Variants in NRXN3 observed in about 807,000 individuals in gnomAD.
NRXN3 encodes the protein neurexin 3.
A neutral mutation model predicts 137.6 loss-of-function variants in NRXN3; 32 were observed. The ratio of observed to expected loss-of-function variants is 0.23; its 90% CI spans 0.18 to 0.31. The LOEUF is 0.31. Ranked by LOEUF, NRXN3 falls within the 10% of genes least tolerant of loss-of-function variation. The pLI is 1.00. For synonymous variants in NRXN3, 798 were observed against 784.5 expected (o/e 1.02, Z -0.29); for missense variants, 1,574 against 2,062.5 (o/e 0.76, Z 4.59).
intron 15 of NRXN3, among the ~76,000 whole-genome samples, chr14:79,115,489 T>A (rs763605509): frequency 2.6e-5 from 4 of 152,176 alleles, no homozygotes; most frequent in Non-Finnish European, 4.4e-5. Flanking sequence ...AAGAAAAGTA[T>A]AAAATCACAT....
intron 1 of NRXN3, among the ~76,000 whole-genome samples, chr14:78,202,933 G>A (rs758682630): frequency 1.3e-4 from 20 of 152,342 alleles, no homozygotes; most frequent in Non-Finnish European, 1.2e-4. Flanking sequence ...CTAGAATAAA[G>A]CAACACAGCT....
intron 15 of NRXN3, among the ~76,000 whole-genome samples, chr14:79,324,994 A>G (rs2090636239): frequency 6.6e-6 from 1 of 152,184 alleles, no homozygotes; most frequent in Non-Finnish European, 1.5e-5. Context: ...ACATCAGTGC[A>G]GTGTGAATCC....
chr14:79,054,626 C>T (rs1308811050), intron 15 of NRXN3, among the ~76,000 whole-genome samples: 1 of 152,160 alleles, frequency 6.6e-6, no homozygotes, highest in Non-Finnish European at 1.5e-5. Context: ...GCTGAGCAAA[C>T]CCCAGCTGGA....
At chr14:78,789,338 C>G (rs1366552151) in intron 8 of NRXN3, among the ~76,000 whole-genome samples, 2 of 152,114 alleles carry the variant, frequency 1.3e-5, no homozygotes, top group Admixed American at 6.5e-5. Flanking sequence ...GGGTTCTCAA[C>G]TGGGGGTGAC....
chr14:78,984,269 A>T (rs575755634), intron 14 of NRXN3, among the ~76,000 whole-genome samples: 7 of 152,358 alleles, frequency 4.6e-5, no homozygotes, highest in African/African-American at 1.7e-4. Context: ...TTGATTTGTT[A>T]ATTAGCCTGA....
rs2099017717 is a variant in NRXN3 at position 79,755,901 on chromosome 14, A to ACTTACTTAAC, written c.4015-49211_4015-49210insCTTACTTAAC. ...TATGCAAATCCTGATTTTCACATTTAAGCTTTACTTAACAGTGTCAATTTG... is the reference window on the plus strand; with the variant it reads ...TATGCAAATCCTGATTTTCACATTTACTTACTTAACAGCTTTACTTAACAGTGTCAATTTG... On this transcript the variant is annotated intron_variant, in intron 19 of 20. Coordinates refer to ENST00000335750, the MANE Select transcript of NRXN3 (RefSeq NM_001330195.2). Among the ~76,000 whole-genome samples, 4 of 152,276 alleles carry ACTTACTTAAC rather than the reference A, an allele frequency of 2.6e-5. No homozygotes were observed. In the South Asian group the frequency reaches 6.2e-4, roughly 24 times the overall value.
intron 15 of NRXN3, among the ~76,000 whole-genome samples, chr14:79,025,714 G>T (rs765128855): frequency 6.6e-6 from 1 of 152,074 alleles, no homozygotes; most frequent in Admixed American, 6.6e-5. Context: ...ACTGAAAATG[G>T]ATTATTTTCT....
rs577788800 is a variant in NRXN3, at chr14:78,906,967, G to A, written c.2276-50275G>A. ...CCAACAGAATATGGTAAAATAATTC[G>A]CTCAATCTGGGCTGAGATACACTCC... On this transcript the variant is annotated intron_variant, in intron 10 of 20. Transcript: ENST00000335750. 8.6e-5 allele frequency among the ~76,000 whole-genome samples: 13 copies of A among 151,974 alleles called. No individual in the cohort carries two copies. The South Asian group carries it at 1.7e-3, about 19-fold the overall frequency.
intron 10 of NRXN3, among the ~76,000 whole-genome samples, chr14:78,909,969 A>G (rs1339618715): frequency 6.6e-6 from 1 of 152,134 alleles, no homozygotes; most frequent in African/African-American, 2.4e-5. Flanking sequence ...AACACCTGGA[A>G]AAATGATTAT....
At chr14:79,836,924 A>T (rs1034156038) in intron 20 of NRXN3, among the ~76,000 whole-genome samples, 48 of 152,132 alleles carry the variant, frequency 3.2e-4, no homozygotes, top group African/African-American at 1.2e-3. Flanking sequence ...CACAGTAAGG[A>T]GTCAACTGTG....
rs372633383 is a variant in NRXN3, at chr14:78,945,120, T to C, written c.2276-12122T>C. Among the ~76,000 whole-genome samples, 8 of 152,340 alleles carry C rather than the reference T, an allele frequency of 5.3e-5. No individual in the cohort carries two copies. The East Asian group carries it at 7.7e-4, about 15-fold the overall frequency. ...GTATCACAAACAGAAGTATTTATTT[T>C]ATTAAATACAAAAAGAACCAGATCG... is the stretch of plus-strand genomic sequence containing the variant. On this transcript the variant is annotated intron_variant, in intron 10 of 20. Transcript: ENST00000335750.
At chr14:78,480,211 C>T (rs1209290236) in intron 4 of NRXN3, among the ~76,000 whole-genome samples, 1 of 152,154 alleles carries the variant, frequency 6.6e-6, no homozygotes, top group African/African-American at 2.4e-5. Flanking sequence ...TATATTATAA[C>T]AACAGACTCA....
Position 79,737,825 on chromosome 14 carries a change from T to C in NRXN3, c.4014+39888T>C, listed in dbSNP as rs2098947449. Among the ~76,000 whole-genome samples, 7 of 152,260 alleles carry C rather than the reference T, an allele frequency of 4.6e-5. No individual in the cohort carries two copies. In the South Asian group the frequency reaches 1.4e-3, roughly 32 times the overall value. On this transcript the variant is annotated intron_variant, in intron 19 of 20. Coordinates refer to ENST00000335750, the MANE Select transcript of NRXN3 (RefSeq NM_001330195.2). ...CTCCCTGGTTGGCCTCTCAAAGTGC[T>C]GGGATTACAGGTGTGAGCCACCATG...
At chr14:78,207,325 C>T (rs1042829572) in intron 1 of NRXN3, among the ~76,000 whole-genome samples, 6 of 152,142 alleles carry the variant, frequency 3.9e-5, no homozygotes, top group Admixed American at 1.3e-4. Flanking sequence ...CTTCTTCCTG[C>T]GCACTCTACC....
chr14:78,357,415 AC>A (rs1175719078), intron 4 of NRXN3, among the ~76,000 whole-genome samples: 3 of 152,174 alleles, frequency 2.0e-5, no homozygotes, highest in Non-Finnish European at 4.4e-5. Context: ...TGTGGGAGTT[AC>A]AATTCTAGAT....
intron 16 of NRXN3, among the ~76,000 whole-genome samples, chr14:79,552,921 A>C (rs903960441): frequency 1.3e-5 from 2 of 152,134 alleles, no homozygotes; most frequent in African/African-American, 4.8e-5. Context: ...TCTCTCCTGC[A>C]TCAGAGTTAA....
intron 1 of NRXN3, among the ~76,000 whole-genome samples, chr14:78,220,245 A>G (rs897535076): frequency 1.3e-5 from 2 of 152,062 alleles, no homozygotes; most frequent in Non-Finnish European, 1.5e-5. Context: ...GAGAGTGGGT[A>G]GTTTGTGAAG....
At chr14:79,199,243 T>C (rs1012570922) in intron 15 of NRXN3, among the ~76,000 whole-genome samples, 1 of 152,214 alleles carries the variant, frequency 6.6e-6, no homozygotes, top group African/African-American at 2.4e-5. Context: ...CTTCTTCTCT[T>C]TCTACTTCCC....
intron 4 of NRXN3, among the ~76,000 whole-genome samples, chr14:78,598,242 A>G (rs1368827606): frequency 1.3e-5 from 2 of 152,144 alleles, no homozygotes; most frequent in African/African-American, 4.8e-5. Flanking sequence ...AGAATGCAGT[A>G]GCATACCCAG....
Sources: gnomAD v4.1 joint callset for allele counts (sites outside exome capture counted in the v4.1 genomes callset) on GRCh38, gnomAD v4.1.1 for gene constraint, MANE v1.5 for transcripts, NCBI Gene and HGNC (gene_info 2026-07-23, HGNC 2026-07-21) for gene names.